Variants in FKBP4 observed in about 807,000 individuals in gnomAD.
FKBP4 encodes FKBP prolyl isomerase 4.
A neutral mutation model predicts 54.1 loss-of-function variants in FKBP4; 28 were observed. That is an observed-to-expected ratio of 0.52 (90% confidence interval 0.38 to 0.71). The LOEUF (loss-of-function observed/expected upper bound fraction) is 0.71. FKBP4 is among the 30% of genes least tolerant of loss of function. The pLI is 0.00. For synonymous variants in FKBP4, 223 were observed against 216.1 expected (o/e 1.03, Z -0.28); for missense variants, 493 against 574.4 (o/e 0.86, Z 1.45).
chr12:2,803,581 A>G lies in FKBP4; in HGVS notation c.*323A>G, dbSNP rs377039988. ...AGGGTAGAAGAGGCAAGTGGTAGGG[A>G]TGAGGTCTGATAAGAACCCAGGGTG... On this transcript the variant is annotated 3_prime_UTR_variant, in exon 10 of 10. Coordinates refer to ENST00000001008, the MANE Select transcript of FKBP4 (RefSeq NM_002014.4). The G allele has an allele frequency of 2.7e-5, 7 of 256,612 alleles. No individual in the cohort carries two copies. In the East Asian group the frequency reaches 3.1e-4, roughly 11 times the overall value. 15.9% of individuals were successfully genotyped at this position (256,612 alleles called of 1,614,324 possible).
chr12:2,798,841 T>G lies in FKBP4; in HGVS notation c.514+15T>G, dbSNP rs760823059. ...TATCGTGGAGGGTGAGACAGTACAGTCTGGGCTTTCAATTCTCATTCTGAT... is the reference window on the plus strand; with the variant it reads ...TATCGTGGAGGGTGAGACAGTACAGGCTGGGCTTTCAATTCTCATTCTGAT... On this transcript the variant is annotated intron_variant, in intron 4 of 9. Coordinates refer to ENST00000001008, the MANE Select transcript of FKBP4 (RefSeq NM_002014.4). The surrounding 1 kb of genome is among the most constrained non-coding windows in gnomAD (Gnocchi z 4.3). The G allele has an allele frequency of 1.3e-5, 21 of 1,611,622 alleles. No individual in the cohort carries two copies. Among genetic ancestry groups the G allele is most frequent in the Non-Finnish European group, 1.8e-5 (21 of 1,177,990 alleles).
chr12:2,799,300 T>A lies in FKBP4; in HGVS notation c.671+56T>A. Reference sequence around the variant, plus strand: ...GGCAGGCAAACCAAGATCAAAGATATAAAATGAATTGTAGAACCAGCTGTT... The same window carrying A: ...GGCAGGCAAACCAAGATCAAAGATAAAAAATGAATTGTAGAACCAGCTGTT... On this transcript the variant is annotated intron_variant, in intron 5 of 9. Transcript: ENST00000001008. 2.1e-6 allele frequency: 3 copies of A among 1,454,312 alleles called. No homozygotes were observed. In the South Asian group the frequency reaches 4.8e-5, roughly 23 times the overall value. The allele number at this position is 1,454,312 out of a possible 1,614,324, so 90.1% of individuals were successfully genotyped here.
At position 2,805,405 on chromosome 12, in the gene FKBP4, T is replaced by C. The variant is rs1419910827; in HGVS notation, c.*2147T>C. 1 of 272,700 alleles carries C rather than the reference T, an allele frequency of 3.7e-6. No homozygotes were observed. Among genetic ancestry groups the C allele is most frequent in the Non-Finnish European group, 7.2e-6 (1 of 138,180 alleles). 16.9% of individuals were successfully genotyped at this position (272,700 alleles called of 1,614,324 possible). On this transcript the variant is annotated 3_prime_UTR_variant, in exon 10 of 10. Coordinates refer to ENST00000001008, the MANE Select transcript of FKBP4 (RefSeq NM_002014.4). ...TTTATGTAACATTAAAACTGTCTAGTGAGGATGTTTTGTTAAAATGCCTAC... is the reference window on the plus strand; with the variant it reads ...TTTATGTAACATTAAAACTGTCTAGCGAGGATGTTTTGTTAAAATGCCTAC...
chr12:2,797,910 G>A, intron 3 of FKBP4, 39 bp downstream of exon 3: 1 of 1,589,774 alleles, frequency 6.3e-7, no homozygotes, highest in Non-Finnish European at 8.6e-7. Flanking sequence ...TAAGAGCCAG[G>A]CCTTATCTCA....
Position 2,800,078 on chromosome 12 carries a change from G to C in FKBP4, c.802G>C (p.Glu268Gln), listed in dbSNP as rs776731509. 2 of 1,614,028 alleles carry C rather than the reference G, an allele frequency of 1.2e-6. No individual in the cohort carries two copies. The highest frequency in any genetic ancestry group is 2.2e-5 in the South Asian group (2 of 91,064). ...GGAGATGAATTCAGAAGAGAAGCTGGAACAGAGCACCATAGTGAAAGAGCG... is the reference window on the plus strand; with the variant it reads ...GGAGATGAATTCAGAAGAGAAGCTGCAACAGAGCACCATAGTGAAAGAGCG... ...SWEMNSEEKL[E>Q]QSTIVKERGT... is the part of the protein sequence containing the mutation. The change falls in exon 7 of 10, where the codon GAA becomes CAA. Residue 268 changes from glutamate to glutamine, a missense_variant. Glu to Gln is a conservative substitution (Grantham distance 29, BLOSUM62 2). Coordinates refer to ENST00000001008, the MANE Select transcript of FKBP4 (RefSeq NM_002014.4).
At chr12:2,796,293 A>T in intron 1 of FKBP4, 1 of 1,289,222 alleles carries the variant, frequency 7.8e-7, no homozygotes, top group Non-Finnish European at 1.0e-6. Flanking sequence ...CGTCTGCTCC[A>T]GCGGCTCTCC....
In FKBP4 at chr12:2,804,491, CT is replaced by C. The variant is rs910481811; in HGVS notation, c.*1234del. On this transcript the variant is annotated 3_prime_UTR_variant, in exon 10 of 10. Transcript: ENST00000001008. ...ACAGGAAAAGGCTTGTGCTTTTTTT[CT>C]AACTATGCTTTGACCCTTAACTCCT... is the stretch of plus-strand genomic sequence containing the variant. 2 of 152,184 alleles carry C rather than the reference CT, an allele frequency of 1.3e-5. No homozygotes were observed. The highest frequency in any genetic ancestry group is 4.8e-5 in the African/African-American group (2 of 41,448). 9.4% of individuals were successfully genotyped at this position (152,184 alleles called of 1,614,324 possible).
Position 2,795,900 on chromosome 12 carries a change from G to T in FKBP4, c.105+656G>T. 1 of 973,538 alleles carries T rather than the reference G, an allele frequency of 1.0e-6. No individual in the cohort carries two copies. The highest frequency in any genetic ancestry group is 1.2e-6 in the Non-Finnish European group (1 of 817,258). 60.3% of individuals were successfully genotyped at this position (973,538 alleles called of 1,614,324 possible). On this transcript the variant is annotated intron_variant, in intron 1 of 9. Transcript: ENST00000001008. The surrounding 1 kb of genome is among the most constrained non-coding windows in gnomAD (Gnocchi z 4.3). The stretch of plus-strand genomic sequence containing the variant: ...CCCTCCCTCGGCCCCGGGGAGGCCG[G>T]GCGCGGGGCATGCCGGGAGCTGTAG...
chr12:2,796,893 G>C, intron 1 of FKBP4: 2 of 1,321,246 alleles, frequency 1.5e-6, no homozygotes, highest in Non-Finnish European at 1.9e-6. Context: ...GCGGAAACTT[G>C]AACTCAGATC....
intron 8 of FKBP4, 43 bp from the exon 9 acceptor site, chr12:2,801,074 G>C: frequency 6.2e-7 from 1 of 1,609,914 alleles, no homozygotes; most frequent in Non-Finnish European, 8.5e-7. Flanking sequence ...TGAGCTACAA[G>C]CCCTGAGCTC....
intron 9 of FKBP4, among the ~76,000 whole-genome samples, chr12:2,802,764 G>A (rs1209154343): frequency 1.3e-5 from 2 of 152,190 alleles, no homozygotes; most frequent in East Asian, 3.9e-4. Context: ...CTCTTGCCCT[G>A]CCGCCCAGGC....
At chr12:2,797,977 G>A in intron 3 of FKBP4, 106 bp downstream of exon 3, 4 of 1,401,112 alleles carry the variant, frequency 2.9e-6, no homozygotes, top group Non-Finnish European at 3.9e-6. Flanking sequence ...ATGTAGCCAA[G>A]GCTGAGGGTC....
intron 5 of FKBP4, 82 bp downstream of exon 5, chr12:2,799,326 T>C (rs2097903546): frequency 7.1e-7 from 1 of 1,409,352 alleles, no homozygotes; most frequent in East Asian, 2.5e-5. Context: ...ACCAGCTGTT[T>C]GTATCCTTTT....
At chr12:2,800,791 G>A (rs963915013) in intron 8 of FKBP4, among the ~76,000 whole-genome samples, 4 of 152,160 alleles carry the variant, frequency 2.6e-5, no homozygotes, top group African/African-American at 4.8e-5. Flanking sequence ...AGGAGGACAC[G>A]GAATGGGAAG....
In FKBP4 at chr12:2,803,258, G is replaced by A. The variant is rs773954350; in HGVS notation, c.1380G>A (p.Ter460=). The stretch of plus-strand genomic sequence containing the variant: ...AGTCTCAGGTGGAGACAGAAGCATA[G>A]CCCCTCTCCACCAGCCCTACTCCTG... The part of the protein sequence containing the change: ...GSQSQVETEA[*] Residue 460 remains the stop codon, a stop_retained_variant, in exon 10 of 10, where the codon TAG becomes TAA. Transcript: ENST00000001008. 4 of 1,569,086 alleles carry A rather than the reference G, an allele frequency of 2.5e-6. No homozygotes were observed. The Admixed American group carries it at 7.3e-5, about 29-fold the overall frequency.
intron 1 of FKBP4, chr12:2,796,767 TAATA>T: frequency 1.9e-6 from 2 of 1,067,086 alleles, no homozygotes; most frequent in African/African-American, 3.3e-5. Flanking sequence ...CCGATTATAA[TAATA>T]ATCTATTATT....
At position 2,797,850 on chromosome 12, in the gene FKBP4, C is replaced by T. The variant is rs750656458; in HGVS notation, c.372C>T (p.Pro124=). 1.5e-5 allele frequency: 24 copies of T among 1,613,900 alleles called. No homozygotes were observed. The highest frequency in any genetic ancestry group is 2.0e-5 in the Non-Finnish European group (24 of 1,179,822). ...CAGGCAGTCCTCCAAAGATTCCCCC[C>T]AATGCCACGCTTGTATTTGAGGTGA... ...GSAGSPPKIP[P]NATLVFEVEL... The change falls in exon 3 of 10, where the codon CCC becomes CCT. Residue 124 remains proline (P), a synonymous_variant. Coordinates refer to ENST00000001008, the MANE Select transcript of FKBP4 (RefSeq NM_002014.4).
chr12:2,802,928 A>G (rs1289285815), intron 9 of FKBP4, among the ~76,000 whole-genome samples: 3 of 152,038 alleles, frequency 2.0e-5, no homozygotes, highest in Non-Finnish European at 4.4e-5. Context: ...AGGTTTCACC[A>G]TGTTGCCCAG....
chr12:2,798,721 T>C lies in FKBP4; in HGVS notation c.409T>C (p.Phe137Leu). Residue 137 changes from phenylalanine (F) to leucine (L), a missense_variant, in exon 4 of 10, where the codon TTT (phenylalanine) becomes CTT (leucine). Physicochemically the swap from Phe to Leu is conservative, Grantham distance 22. Transcript: ENST00000001008. This position sits in a 1 kb window ranked among gnomAD's most constrained non-coding sequence, Gnocchi z 4.3. ...TGTCCCACAGGTGGAGTTGTTTGAG[T>C]TTAAGGGAGAAGATCTGACGGAAGA... ...TLVFEVELFEFKGEDLTEEED... is the reference protein window; with the variant it reads ...TLVFEVELFELKGEDLTEEED... 6.2e-7 allele frequency: 1 copy of C among 1,613,536 alleles called. No individual in the cohort carries two copies. The highest frequency in any genetic ancestry group is 8.5e-7 in the Non-Finnish European group (1 of 1,179,944).
Sources: allele counts gnomAD v4.1 joint callset (sites outside exome capture counted in the v4.1 genomes callset), GRCh38; gene constraint gnomAD v4.1.1; non-coding constraint Gnocchi (gnomAD v3.1); transcripts MANE v1.5; gene names NCBI Gene and HGNC (gene_info 2026-07-23, HGNC 2026-07-21).